The following CCNY variants were observed in gnomAD, a reference collection of about 807,000 sequenced individuals.
The protein encoded by CCNY is cyclin-Y.
A neutral mutation model predicts 42.8 loss-of-function variants in CCNY; 19 were observed. The observed-to-expected ratio is 0.44, with a 90% CI of 0.31 to 0.65. The LOEUF (loss-of-function observed/expected upper bound fraction) is 0.65, where lower values mean the gene tolerates loss of function less well. CCNY is among the 30% of genes least tolerant of loss of function. The probability of loss-of-function intolerance (pLI) is 0.07; values close to 1 mark genes in which losing one functional copy is unlikely to be tolerated. For synonymous variants in CCNY, 165 were observed against 162.7 expected, an observed-to-expected ratio of 1.01 and a Z score of -0.11; for missense variants, 370 against 437.3, an observed-to-expected ratio of 0.85 and a Z score of 1.37.
chr10:35,445,933 A>G (rs897888967), intron 1 of CCNY, among the ~76,000 whole-genome samples: 1 of 152,200 alleles, frequency 6.6e-6, no homozygotes, highest in African/African-American at 2.4e-5. Flanking sequence ...GCAGACAGTA[A>G]GTAGGTGCTT....
intron 3 of CCNY, among the ~76,000 whole-genome samples, chr10:35,256,526 G>A (rs2095715589): frequency 1.3e-5 from 2 of 152,042 alleles, no homozygotes; most frequent in South Asian, 4.2e-4. Context: ...AAGGTCAGGA[G>A]TTCAAGACCA....
At chr10:35,494,324 G>A (rs971230719) in intron 2 of CCNY, among the ~76,000 whole-genome samples, 1 of 150,448 alleles carries the variant, frequency 6.6e-6, no homozygotes, top group Non-Finnish European at 1.5e-5. Flanking sequence ...ACCAGAAAGA[G>A]GCCAGGTCTG....
intron 1 of CCNY, among the ~76,000 whole-genome samples, chr10:35,398,962 C>T (rs113133288): frequency 6.6e-6 from 1 of 152,194 alleles, no homozygotes; most frequent in Non-Finnish European, 1.5e-5. Flanking sequence ...AGACATACGC[C>T]GTGCTTGCTT....
At chr10:35,482,752 G>GTGTA (rs1839698603) in intron 1 of CCNY, among the ~76,000 whole-genome samples, 2 of 43,656 alleles carry the variant, frequency 4.6e-5, no homozygotes, top group African/African-American at 4.0e-4. Flanking sequence ...GGAAATAGGT[G>GTGTA]TGTGTGTGTG....
chr10:35,538,160 T>C (rs573788545), intron 7 of CCNY, among the ~76,000 whole-genome samples: 12 of 152,332 alleles, frequency 7.9e-5, no homozygotes, highest in African/African-American at 2.9e-4. Context: ...TGCTCCTCCT[T>C]GCCTTCCACC....
chr10:35,492,301 G>A (rs759484649), intron 2 of CCNY, among the ~76,000 whole-genome samples: 2 of 152,214 alleles, frequency 1.3e-5, no homozygotes, highest in Admixed American at 6.5e-5. Context: ...TGCTCTGCCC[G>A]CAGCACCTGC....
At chr10:35,381,195 A>C (rs1248007250) in intron 1 of CCNY, among the ~76,000 whole-genome samples, 1 of 152,196 alleles carries the variant, frequency 6.6e-6, no homozygotes, top group East Asian at 1.9e-4. Context: ...TGTTCTAAAT[A>C]ATTGCTTTAT....
In CCNY at chr10:35,296,582, AAAAAAAG is replaced by A. The variant is rs576002396; in HGVS notation, c.-9+45972_-9+45978del. On this transcript the variant is annotated intron_variant, in intron 3 of 11. Transcript: ENST00000374706. ...GGCCTCAGGGTGAGACTCTGTCAGA[AAAAAAAG>A]AAAAAAGAAAAAAGAGAGAAGAACC... Among the ~76,000 whole-genome samples, 67 of 152,310 alleles carry A rather than the reference AAAAAAAG, an allele frequency of 4.4e-4. No individual in the cohort carries two copies. The East Asian group carries it at 5.6e-3, about 13-fold the overall frequency.
At chr10:35,387,239 C>A (rs1042853829) in intron 1 of CCNY, among the ~76,000 whole-genome samples, 1 of 151,672 alleles carries the variant, frequency 6.6e-6, no homozygotes, top group African/African-American at 2.4e-5. Flanking sequence ...AAAAAAGTTA[C>A]TGCCAGTGAG....
chr10:35,387,469 A>C (rs896182892), intron 1 of CCNY, among the ~76,000 whole-genome samples: 1 of 152,128 alleles, frequency 6.6e-6, no homozygotes, highest in African/African-American at 2.4e-5. Flanking sequence ...TGTGGGGCAG[A>C]TGTGGGAGAA....
At chr10:35,416,524 T>G (rs1838029611) in intron 1 of CCNY, among the ~76,000 whole-genome samples, 1 of 152,142 alleles carries the variant, frequency 6.6e-6, no homozygotes, top group Non-Finnish European at 1.5e-5. Context: ...TTCATGAGTT[T>G]GGGGAAGCAC....
Position 35,501,521 on chromosome 10 carries a change from C to G in CCNY, c.250C>G (p.Leu84Val), listed in dbSNP as rs764197479. The change falls in exon 3 of 10, where the codon CTC becomes GTC. Residue 84 changes from leucine (L) to valine (V), a missense_variant. Around this residue, in one of 2 missense-constraint regions of CCNY, gnomAD observed 136 missense variants for 124.2 expected, o/e 1.09. Coordinates refer to ENST00000374704, the MANE Select transcript of CCNY (RefSeq NM_145012.6). ...CACAGTGAGAGAAAAACGCAAGAGT[C>G]TCTTCATTAACCATGTAAGTGAAGC... ...QTDVREKRKS[L>V]FINHHPPGQI... is the part of the protein sequence containing the mutation. The G allele has an allele frequency of 1.2e-5, 19 of 1,613,760 alleles. No homozygotes were observed. The highest frequency in any genetic ancestry group is 1.6e-5 in the Non-Finnish European group (19 of 1,179,732).
rs2135471030 is a variant in CCNY, at chr10:35,569,978, G to C, written c.*808G>C. 1 of 152,788 alleles carries C rather than the reference G, an allele frequency of 6.5e-6. No individual in the cohort carries two copies. Among genetic ancestry groups the C allele is most frequent in the East Asian group, 1.9e-4 (1 of 5,314 alleles). The allele number at this position is 152,788 out of a possible 1,614,324, so 9.5% of individuals were successfully genotyped here. On this transcript the variant is annotated 3_prime_UTR_variant, in exon 10 of 10. Transcript: ENST00000374704. Reference sequence around the variant, plus strand: ...GTTTTTTTCCTGACCTGAAGTTGTTGTTACAAAATCAGTCAGACTTTGTGG... The same window carrying C: ...GTTTTTTTCCTGACCTGAAGTTGTTCTTACAAAATCAGTCAGACTTTGTGG...
At chr10:35,271,387 C>T (rs577005197) in intron 3 of CCNY, among the ~76,000 whole-genome samples, 54 of 152,304 alleles carry the variant, frequency 3.5e-4, no homozygotes, top group Non-Finnish European at 5.3e-4. Flanking sequence ...AAGAGTCCCA[C>T]ACACTCCTTT....
intron 3 of CCNY, among the ~76,000 whole-genome samples, chr10:35,515,990 G>A (rs1419120263): frequency 2.6e-5 from 4 of 152,140 alleles, no homozygotes. Context: ...CCTTAACAAA[G>A]CAATATTTTT....
chr10:35,422,160 T>A (rs1838172182), intron 1 of CCNY, among the ~76,000 whole-genome samples: 1 of 152,252 alleles, frequency 6.6e-6, no homozygotes, highest in African/African-American at 2.4e-5. Flanking sequence ...CACCTTTCTA[T>A]TCTTTTAAAA....
At chr10:35,249,934 C>T (rs2095710643) in intron 2 of CCNY, among the ~76,000 whole-genome samples, 1 of 152,124 alleles carries the variant, frequency 6.6e-6, no homozygotes, top group African/African-American at 2.4e-5. Context: ...GTGGCTCACG[C>T]CTGTAATCCC....
chr10:35,303,671 G>A (rs559221790), intron 3 of CCNY, among the ~76,000 whole-genome samples: 3 of 150,616 alleles, frequency 2.0e-5, no homozygotes, highest in African/African-American at 4.9e-5. Context: ...CAGCTACTCA[G>A]GAGGCTGAGG....
At chr10:35,320,140 C>T (rs1835804132) in intron 3 of CCNY, among the ~76,000 whole-genome samples, 1 of 152,090 alleles carries the variant, frequency 6.6e-6, no homozygotes, top group South Asian at 2.1e-4. Flanking sequence ...TAGTCATTGT[C>T]TGAGCCCAGA....
Sources: gnomAD v4.1 joint callset for allele counts (sites outside exome capture counted in the v4.1 genomes callset) on GRCh38, gnomAD v4.1.1 for gene constraint, gnomAD v4.1.1 regional missense constraint, MANE v1.5 for transcripts, NCBI Gene and HGNC (gene_info 2026-07-23, HGNC 2026-07-21) for gene names.